The following KLHL5 variants were observed in gnomAD, a reference collection of about 807,000 sequenced individuals.
The protein encoded by KLHL5 is kelch-like protein 5.
In KLHL5, 48 loss-of-function variants were observed where a neutral mutation model predicts 77.7. That is an observed-to-expected ratio of 0.62 (90% CI 0.49 to 0.79). KLHL5 has a LOEUF of 0.79. KLHL5 is among the 30% of genes least tolerant of loss of function. The pLI, the probability that KLHL5 is intolerant of heterozygous loss-of-function variation, is 0.00. For missense variants in KLHL5, 723 were observed against 859.7 expected, an observed-to-expected ratio of 0.84 and a Z score of 1.99; for synonymous variants, 260 against 297.0, an observed-to-expected ratio of 0.88 and a Z score of 1.28.
chr4:39,047,239 T>C (rs557011780), intron 1 of KLHL5, among the ~76,000 whole-genome samples: 83 of 152,150 alleles, frequency 5.5e-4, no homozygotes, highest in Middle Eastern at 3.4e-3. Context: ...CCAACACAGT[T>C]AAACCCCGTC....
intron 5 of KLHL5, chr4:39,093,250 C>A: frequency 2.3e-6 from 1 of 430,672 alleles, no homozygotes; most frequent in African/African-American, 2.0e-5. Context: ...AGAAGCAAGA[C>A]ACCAGAGTCT....
At chr4:39,085,640 T>C (rs1024827652) in intron 4 of KLHL5, among the ~76,000 whole-genome samples, 1 of 152,198 alleles carries the variant, frequency 6.6e-6, no homozygotes, top group African/African-American at 2.4e-5. Context: ...CATAATAGCC[T>C]ATCAAGGTCA....
At chr4:39,053,097 T>A (rs1716773190) in intron 1 of KLHL5, among the ~76,000 whole-genome samples, 2 of 152,344 alleles carry the variant, frequency 1.3e-5, no homozygotes, top group Admixed American at 6.5e-5. Context: ...CTGGTTTAAT[T>A]AACATTTGTA....
chr4:39,047,035 G>T (rs1716242771), intron 1 of KLHL5, among the ~76,000 whole-genome samples: 1 of 152,206 alleles, frequency 6.6e-6, no homozygotes, highest in African/African-American at 2.4e-5. Context: ...TAATGTTCAA[G>T]TTGCTGTTTT....
chr4:39,113,157 G>A lies in KLHL5; in HGVS notation c.1826G>A (p.Gly609Glu), dbSNP rs772616833. ...RGGVGVTTWN[G>E]LLYAIGGHDA... ...GGCGTAGGAGTGACGACCTGGAATG[G>A]ACTGCTGTATGCTATAGGGGGGCAC... Residue 609 changes from glycine (G) to glutamate (E), a missense_variant, in exon 9 of 11, where the codon GGA becomes GAA. Coordinates refer to ENST00000504108, the MANE Select transcript of KLHL5 (RefSeq NM_015990.5). 6.2e-7 allele frequency: 1 copy of A among 1,614,034 alleles called. No homozygotes were observed. Among genetic ancestry groups the A allele is most frequent in the African/African-American group, 1.3e-5 (1 of 74,940 alleles).
Position 39,115,194 on chromosome 4 carries a change from C to T in KLHL5, c.1937C>T (p.Ala646Val). 1 of 1,613,376 alleles carries T rather than the reference C, an allele frequency of 6.2e-7. No individual in the cohort carries two copies. Among genetic ancestry groups the T allele is most frequent in the Non-Finnish European group, 8.5e-7 (1 of 1,179,802 alleles). ...AAAACAGACATGTGGACTGCAGTAG[C>T]ATCCATGAGCATCAGCAGAGATGCA... ...DPKTDMWTAV[A>V]SMSISRDAVG... is the part of the protein sequence containing the mutation. Residue 646 changes from alanine to valine, a missense_variant, in exon 10 of 11, where the codon GCA (alanine) becomes GTA (valine). Coordinates refer to ENST00000504108, the MANE Select transcript of KLHL5 (RefSeq NM_015990.5).
intron 5 of KLHL5, among the ~76,000 whole-genome samples, chr4:39,092,522 C>T (rs1181701381): frequency 6.6e-6 from 1 of 152,016 alleles, no homozygotes; most frequent in Non-Finnish European, 1.5e-5. Flanking sequence ...TAAAATTAAC[C>T]TTAATGAGCC....
At chr4:39,120,271 C>T (rs1240288572) in intron 10 of KLHL5, 1 of 152,108 alleles carries the variant, frequency 6.6e-6, no homozygotes, top group East Asian at 1.9e-4. Flanking sequence ...ATGAATTACC[C>T]AGTGTCTAGA....
At chr4:39,077,721 CAAA>C (rs1560418075) in intron 2 of KLHL5, among the ~76,000 whole-genome samples, 3 of 121,782 alleles carry the variant, frequency 2.5e-5, no homozygotes, top group Admixed American at 8.1e-5. Flanking sequence ...AAAAAACAAA[CAAA>C]CAAAAAAACT....
At chr4:39,065,089 AT>A (rs1040274831) in intron 1 of KLHL5, among the ~76,000 whole-genome samples, 5 of 152,174 alleles carry the variant, frequency 3.3e-5, no homozygotes, top group Non-Finnish European at 5.9e-5. Flanking sequence ...CAATCTTCTT[AT>A]TGCAAATAAG....
intron 10 of KLHL5, among the ~76,000 whole-genome samples, chr4:39,118,670 C>T (rs1318125599): frequency 4.6e-5 from 7 of 151,944 alleles, no homozygotes; most frequent in South Asian, 2.1e-4. Flanking sequence ...GCAGGAGAAT[C>T]GCTTGAACCT....
intron 1 of KLHL5, among the ~76,000 whole-genome samples, chr4:39,064,739 G>C (rs1007431513): frequency 6.6e-6 from 1 of 151,864 alleles, no homozygotes; most frequent in Non-Finnish European, 1.5e-5. Context: ...GAAATATCTT[G>C]GTGGGCTATT....
intron 2 of KLHL5, 126 bp downstream of exon 2, chr4:39,076,273 A>G: frequency 1.3e-6 from 1 of 798,838 alleles, no homozygotes; most frequent in Non-Finnish European, 2.0e-6. Flanking sequence ...TGGAATTTCC[A>G]TCAAGAAAAC....
chr4:39,108,227 C>A (rs957966493), intron 8 of KLHL5, among the ~76,000 whole-genome samples: 1 of 151,882 alleles, frequency 6.6e-6, no homozygotes, highest in African/African-American at 2.4e-5. Flanking sequence ...ACTCTCTTAC[C>A]TCTTGTCTGC....
At chr4:39,078,410 AG>A (rs1719288278) in intron 2 of KLHL5, among the ~76,000 whole-genome samples, 1 of 148,524 alleles carries the variant, frequency 6.7e-6, no homozygotes, top group Admixed American at 6.7e-5. Context: ...ATGATACAAT[AG>A]GCCAGGCTTG....
intron 8 of KLHL5, among the ~76,000 whole-genome samples, chr4:39,108,001 A>C (rs1421022920): frequency 6.6e-6 from 1 of 151,222 alleles, no homozygotes; most frequent in Non-Finnish European, 1.5e-5. Context: ...TTGTACTATA[A>C]AAATCTGGTA....
downstream of KLHL5, among the ~76,000 whole-genome samples, chr4:39,130,257 T>C (rs1723745822): frequency 6.6e-6 from 1 of 152,268 alleles, no homozygotes; most frequent in Non-Finnish European, 1.5e-5. Context: ...GTATCCCTTA[T>C]GGGAAACGAA....
chr4:39,045,010 G>GCCGGCC (rs1716040232), upstream of KLHL5: 1 of 993,976 alleles, frequency 1.0e-6, no homozygotes, highest in South Asian at 4.4e-5. Context: ...CACTCAGCTC[G>GCCGGCC]CCGGCCCCGG....
intron 5 of KLHL5, among the ~76,000 whole-genome samples, chr4:39,089,848 C>T (rs1339360373): frequency 6.6e-6 from 1 of 152,192 alleles, no homozygotes; most frequent in African/African-American, 2.4e-5. Flanking sequence ...GATGCATCCT[C>T]AAGTTTGAGA....
Sources: gnomAD v4.1 joint callset for allele counts (sites outside exome capture counted in the v4.1 genomes callset) on GRCh38, gnomAD v4.1.1 for gene constraint, MANE v1.5 for transcripts, NCBI Gene and HGNC (gene_info 2026-07-23, HGNC 2026-07-21) for gene names.